Variants in CMYA5 observed in about 807,000 individuals in gnomAD.
The protein encoded by CMYA5 is cardiomyopathy associated 5.
A neutral mutation model predicts 318.9 loss-of-function variants in CMYA5; 246 were observed. That is an observed-to-expected ratio of 0.77 (90% confidence interval 0.70 to 0.86). The LOEUF (loss-of-function observed/expected upper bound fraction) is 0.86, where lower values mean the gene tolerates loss of function less well. Ranked by LOEUF, CMYA5 falls within the 40% of genes least tolerant of loss-of-function variation. CMYA5 has a pLI of 0.00. For synonymous variants in CMYA5, 1,641 were observed against 1,729.5 expected (o/e 0.95, Z 1.27); for missense variants, 4,589 against 4,678.2 (o/e 0.98, Z 0.56).
intron 1 of CMYA5, among the ~76,000 whole-genome samples, chr5:79,701,442 C>G (rs1827173424): frequency 6.6e-6 from 1 of 152,130 alleles, no homozygotes; most frequent in Admixed American, 6.6e-5. Context: ...TAAAATGTCT[C>G]AAATGATCAC....
At chr5:79,778,931 A>G (rs1489594858) in intron 9 of CMYA5, among the ~76,000 whole-genome samples, 2 of 103,624 alleles carry the variant, frequency 1.9e-5, no homozygotes, top group African/African-American at 8.1e-5. Flanking sequence ...TTTTTATTAT[A>G]CTCTAAGTTT....
chr5:79,772,607 A>G (rs1228673162), intron 9 of CMYA5, among the ~76,000 whole-genome samples: 2 of 152,226 alleles, frequency 1.3e-5, no homozygotes, highest in African/African-American at 4.8e-5. Flanking sequence ...ACACTGCATC[A>G]GAGCCATCCC....
rs1223600534 is a variant in CMYA5, at chr5:79,737,356, A to T, written c.8591A>T (p.Gln2864Leu). Residue 2864 changes from glutamine (Q) to leucine (L), a missense_variant, in exon 2 of 13, where the codon CAA (glutamine) becomes CTA (leucine). Around this residue, in one of 3 missense-constraint regions of CMYA5, gnomAD observed 2,431 missense variants for 2,495.1 expected, o/e 0.97. Coordinates refer to ENST00000446378, the MANE Select transcript of CMYA5 (RefSeq NM_153610.5). Reference protein sequence around the residue: ...SKDDTSDVPKQSVLVSKHHLE... With the variant: ...SKDDTSDVPKLSVLVSKHHLE... ...GATGACACATCCGATGTGCCTAAAC[A>T]ATCTGTTCTTGTTTCAAAGCACCAC... 1.2e-6 allele frequency: 2 copies of T among 1,613,842 alleles called. No homozygotes were observed.
intron 9 of CMYA5, among the ~76,000 whole-genome samples, chr5:79,768,400 G>T (rs1165140143): frequency 1.3e-5 from 2 of 150,932 alleles, no homozygotes; most frequent in East Asian, 1.9e-4. Flanking sequence ...AGTGTCGACG[G>T]TCTTTACAAT....
At chr5:79,773,130 G>T (rs985101111) in intron 9 of CMYA5, among the ~76,000 whole-genome samples, 1 of 152,188 alleles carries the variant, frequency 6.6e-6, no homozygotes, top group African/African-American at 2.4e-5. Context: ...TCACTCCTTT[G>T]TTGGTTCCAT....
At position 79,689,973 on chromosome 5, in the gene CMYA5, G is replaced by A. The variant is rs767284963; in HGVS notation, c.66G>A (p.Ala22=). The change falls in exon 1 of 13, where the codon GCG becomes GCA. Residue 22 remains alanine (A), a synonymous_variant. Coordinates refer to ENST00000446378, the MANE Select transcript of CMYA5 (RefSeq NM_153610.5). ...SFLGSDGDEE[A]TRELETEEES... ...TCGGCTCCGACGGGGACGAGGAGGC[G>A]ACCCGGGAGCTGGAGACCGAGGAGG... 26 of 1,343,578 alleles carry A rather than the reference G, an allele frequency of 1.9e-5. No homozygotes were observed. In the East Asian group the frequency reaches 4.0e-4, roughly 21 times the overall value. The allele number at this position is 1,343,578 out of a possible 1,614,324, so 83.2% of individuals were successfully genotyped here. A position where few individuals can be genotyped will look rare whatever the true frequency, so the allele number is the denominator to read the frequency against.
At chr5:79,717,724 C>G (rs900174382) in intron 1 of CMYA5, among the ~76,000 whole-genome samples, 8 of 152,120 alleles carry the variant, frequency 5.3e-5, no homozygotes, top group Admixed American at 2.6e-4. Context: ...GATCCTTATT[C>G]TTTCCATCCA....
At chr5:79,700,675 G>A (rs1216022521) in intron 1 of CMYA5, among the ~76,000 whole-genome samples, 5 of 152,158 alleles carry the variant, frequency 3.3e-5, no homozygotes, top group Non-Finnish European at 7.3e-5. Context: ...ATTAATGGAT[G>A]AGTGGATAAG....
intron 12 of CMYA5, among the ~76,000 whole-genome samples, chr5:79,794,788 T>G (rs1829246081): frequency 6.6e-6 from 1 of 152,168 alleles, no homozygotes; most frequent in Non-Finnish European, 1.5e-5. Context: ...GCTGCACATT[T>G]CTCCCTGCAT....
At chr5:79,777,702 G>A (rs902974490) in intron 9 of CMYA5, among the ~76,000 whole-genome samples, 1 of 152,074 alleles carries the variant, frequency 6.6e-6, no homozygotes, top group African/African-American at 2.4e-5. Flanking sequence ...TTGAACTCAG[G>A]AGGCGGAGGT....
chr5:79,729,954 G>A lies in CMYA5; in HGVS notation c.1189G>A (p.Glu397Lys). 6.2e-7 allele frequency: 1 copy of A among 1,613,992 alleles called. No homozygotes were observed. Among genetic ancestry groups the A allele is most frequent in the South Asian group, 1.1e-5 (1 of 91,066 alleles). ...ATMFLRTTKE[E>K]CELASPGTAA... ...TATGTTCCTGAGAACAACAAAGGAAGAATGTGAGCTTGCTTCACCAGGAAC... is the reference window on the plus strand; with the variant it reads ...TATGTTCCTGAGAACAACAAAGGAAAAATGTGAGCTTGCTTCACCAGGAAC... The change falls in exon 2 of 13, where the codon GAA becomes AAA. Residue 397 changes from glutamate to lysine, a missense_variant. Around this residue, in one of 3 missense-constraint regions of CMYA5, gnomAD observed 2,132 missense variants for 2,131.3 expected, o/e 1.00. Coordinates refer to ENST00000446378, the MANE Select transcript of CMYA5 (RefSeq NM_153610.5).
intron 6 of CMYA5, among the ~76,000 whole-genome samples, chr5:79,753,568 G>A (rs1050423169): frequency 1.1e-4 from 16 of 151,836 alleles, no homozygotes; most frequent in African/African-American, 2.9e-4. Context: ...GGGCAACATA[G>A]TAAGACCCCC....
intron 1 of CMYA5, among the ~76,000 whole-genome samples, chr5:79,700,472 G>C (rs1481847392): frequency 6.6e-6 from 1 of 152,160 alleles, no homozygotes; most frequent in African/African-American, 2.4e-5. Flanking sequence ...CTCAAACCAT[G>C]CCTTAAAACT....
At position 79,730,741 on chromosome 5, in the gene CMYA5, A is replaced by T; in HGVS notation, c.1976A>T (p.Glu659Val). 6.2e-7 allele frequency: 1 copy of T among 1,613,924 alleles called. No homozygotes were observed. Among genetic ancestry groups the T allele is most frequent in the Non-Finnish European group, 8.5e-7 (1 of 1,179,874 alleles). Residue 659 changes from glutamate to valine, a missense_variant, in exon 2 of 13, where the codon GAG becomes GTG. By Grantham distance (121) the Glu-to-Val change is moderately radical. This residue lies in a region of CMYA5 where 2,132 missense variants were observed against 2,131.3 expected (regional missense o/e 1.00). Coordinates refer to ENST00000446378, the MANE Select transcript of CMYA5 (RefSeq NM_153610.5). ...SESSLSPSTTEKTSENQSPLF... is the reference protein window; with the variant it reads ...SESSLSPSTTVKTSENQSPLF... ...AGCTCTCTCTCACCATCCACAACTG[A>T]GAAGACTTCAGAGAACCAGTCTCCA... is the stretch of plus-strand genomic sequence containing the variant.
intron 9 of CMYA5, chr5:79,778,246 CAT>C (rs1280153605): frequency 1.2e-4 from 19 of 152,186 alleles, no homozygotes; most frequent in African/African-American, 4.3e-4. Flanking sequence ...TCATTTCACA[CAT>C]GTGCAAATAT....
intron 1 of CMYA5, among the ~76,000 whole-genome samples, chr5:79,725,732 G>A (rs1827734781): frequency 2.0e-5 from 3 of 152,130 alleles, no homozygotes; most frequent in South Asian, 2.1e-4. Context: ...GTGAAATCTC[G>A]TCTCTACTGA....
chr5:79,735,707 C>G lies in CMYA5; in HGVS notation c.6942C>G (p.Asn2314Lys), dbSNP rs749507052. The G allele has an allele frequency of 6.3e-7, 1 of 1,599,262 alleles. No individual in the cohort carries two copies. The highest frequency in any genetic ancestry group is 8.5e-7 in the Non-Finnish European group (1 of 1,176,188). The change falls in exon 2 of 13, where the codon AAC becomes AAG. Residue 2314 changes from asparagine to lysine, a missense_variant. Asn to Lys is a moderately conservative substitution (Grantham distance 94). Transcript: ENST00000446378. ...NSVVTSADGE[N>K]LEIQSYSLIG... ...TAGTTACTTCTGCTGATGGTGAGAA[C>G]CTTGAAATTCAATCTTATTCACTAA...
chr5:79,770,915 C>T (rs917383923), intron 9 of CMYA5, among the ~76,000 whole-genome samples: 3 of 151,906 alleles, frequency 2.0e-5, no homozygotes, highest in Non-Finnish European at 4.4e-5. Context: ...GGGTGGGGGA[C>T]GTTTTGGTGG....
chr5:79,799,869 T>A lies in CMYA5; in HGVS notation c.*253T>A. On this transcript the variant is annotated 3_prime_UTR_variant, in exon 13 of 13. Coordinates refer to ENST00000446378, the MANE Select transcript of CMYA5 (RefSeq NM_153610.5). ...ATATAAGTTTGAGTTCTTTCCTAAATTAAAAGATCTACACTTGAGTTGGGA... is the reference window on the plus strand; with the variant it reads ...ATATAAGTTTGAGTTCTTTCCTAAAATAAAAGATCTACACTTGAGTTGGGA... 4 of 153,004 alleles carry A rather than the reference T, an allele frequency of 2.6e-5. No individual in the cohort carries two copies. The highest frequency in any genetic ancestry group is 5.1e-5 in the Non-Finnish European group (4 of 77,862). 9.5% of individuals were successfully genotyped at this position (153,004 alleles called of 1,614,324 possible).
Sources: allele counts gnomAD v4.1 joint callset (sites outside exome capture counted in the v4.1 genomes callset), GRCh38; gene constraint gnomAD v4.1.1; regional missense constraint gnomAD v4.1.1; transcripts MANE v1.5; gene names NCBI Gene and HGNC (gene_info 2026-07-23, HGNC 2026-07-21).